Variants in CTNNA3 observed in about 807,000 individuals in gnomAD.
CTNNA3 encodes catenin alpha-3.
In CTNNA3, 76 loss-of-function variants were observed where a neutral mutation model predicts 95.7. The observed-to-expected ratio is 0.79, with a 90% CI of 0.66 to 0.96. The LOEUF is 0.96. Among genes scored for constraint, CTNNA3 ranks in the 40% least tolerant of loss-of-function variants. The probability of loss-of-function intolerance (pLI) is 0.00; values close to 1 mark genes in which losing one functional copy is unlikely to be tolerated. For missense variants in CTNNA3, 1,191 were observed against 1,089.8 expected (o/e 1.09, Z -1.31); for synonymous variants, 431 against 374.4 (o/e 1.15, Z -1.74).
chr10:67,042,924 C>T (rs139174381), intron 7 of CTNNA3, among the ~76,000 whole-genome samples: 173 of 152,060 alleles, frequency 1.1e-3, no homozygotes, highest in Middle Eastern at 6.8e-3. Context: ...TGAATATATT[C>T]GAACGCTATA....
At chr10:65,988,833 C>A in intron 15 of CTNNA3, 36 bp from the exon 16 acceptor site, 1 of 1,471,484 alleles carries the variant, frequency 6.8e-7, no homozygotes, top group Non-Finnish European at 9.5e-7. Context: ...CTGTGGTGTT[C>A]ATGAGAAAAT....
chr10:66,137,484 C>T (rs1218435575), intron 13 of CTNNA3, among the ~76,000 whole-genome samples: 2 of 152,008 alleles, frequency 1.3e-5, no homozygotes, highest in Non-Finnish European at 2.9e-5. Context: ...CATACAATGG[C>T]AGGGGGCAGG....
intron 6 of CTNNA3, among the ~76,000 whole-genome samples, chr10:67,189,314 G>A (rs886705692): frequency 6.6e-6 from 1 of 152,012 alleles, no homozygotes; most frequent in Non-Finnish European, 1.5e-5. Flanking sequence ...GTTACCAGGG[G>A]CTAGGGGGCA....
At chr10:66,138,989 C>T (rs568566066) in intron 13 of CTNNA3, among the ~76,000 whole-genome samples, 2 of 152,282 alleles carry the variant, frequency 1.3e-5, no homozygotes, top group East Asian at 3.9e-4. Context: ...CAAATTTCTG[C>T]ACTATATGAC....
chr10:65,943,798 T>C (rs563337789), intron 17 of CTNNA3, among the ~76,000 whole-genome samples: 1 of 152,324 alleles, frequency 6.6e-6, no homozygotes, highest in East Asian at 1.9e-4. Context: ...ATTATTAACC[T>C]TTCATGAGAC....
intron 15 of CTNNA3, among the ~76,000 whole-genome samples, chr10:66,010,521 C>T (rs3858136): frequency 0.54 from 81,673 of 151,890 alleles, 22,018 homozygotes; most frequent in Admixed American, 0.58. Context: ...AGCTTATTTT[C>T]AAACATAGCT....
chr10:66,163,198 T>A (rs1442712969), intron 13 of CTNNA3, among the ~76,000 whole-genome samples: 3 of 152,242 alleles, frequency 2.0e-5, no homozygotes, highest in South Asian at 2.1e-4. Flanking sequence ...ACACAGGATT[T>A]GCACCCTCTC....
intron 3 of CTNNA3, among the ~76,000 whole-genome samples, chr10:67,586,568 C>A (rs1260841900): frequency 6.6e-6 from 1 of 151,904 alleles, no homozygotes; most frequent in Non-Finnish European, 1.5e-5. Context: ...ATGATCTTGT[C>A]TTTTTTATGG....
At chr10:66,690,231 T>C (rs1401762446) in intron 9 of CTNNA3, among the ~76,000 whole-genome samples, 1 of 152,158 alleles carries the variant, frequency 6.6e-6, no homozygotes, top group Non-Finnish European at 1.5e-5. Context: ...GGGAAGGACT[T>C]GGGTGCAGAC....
chr10:66,906,151 C>T (rs1403479756), intron 7 of CTNNA3, among the ~76,000 whole-genome samples: 1 of 152,144 alleles, frequency 6.6e-6, no homozygotes, highest in Non-Finnish European at 1.5e-5. Flanking sequence ...TGACAGGGAA[C>T]TTGATAATGG....
chr10:66,568,478 T>C (rs1282404468), intron 10 of CTNNA3, among the ~76,000 whole-genome samples: 1 of 152,024 alleles, frequency 6.6e-6, no homozygotes, highest in Non-Finnish European at 1.5e-5. Context: ...CTAGGGTGTC[T>C]TTATTTCACT....
At chr10:66,367,880 A>AATTATT (rs200238646) in intron 12 of CTNNA3, among the ~76,000 whole-genome samples, 16 of 47,170 alleles carry the variant, frequency 3.4e-4, no homozygotes, top group African/African-American at 1.5e-3. Flanking sequence ...TAATAATAAT[A>AATTATT]ATTATTATTA....
At chr10:66,170,353 C>T (rs937344660) in intron 13 of CTNNA3, among the ~76,000 whole-genome samples, 8 of 146,524 alleles carry the variant, frequency 5.5e-5, no homozygotes, top group African/African-American at 2.0e-4. Flanking sequence ...AACTTTATTT[C>T]CACAAATTCA....
At chr10:66,516,063 G>GAA (rs147730943) in intron 11 of CTNNA3, among the ~76,000 whole-genome samples, 3,470 of 123,872 alleles carry the variant, frequency 0.028, 162 homozygotes, top group African/African-American at 0.063. Flanking sequence ...TTAATTATCT[G>GAA]GAAAAAAAAA....
intron 2 of CTNNA3, among the ~76,000 whole-genome samples, chr10:67,613,780 G>A (rs1193075965): frequency 6.6e-6 from 1 of 151,570 alleles, no homozygotes; most frequent in African/African-American, 2.4e-5. Context: ...AGACTGGGTG[G>A]CTTAAGCCAC....
chr10:66,799,882 C>T (rs914863764), intron 7 of CTNNA3, among the ~76,000 whole-genome samples: 2 of 151,134 alleles, frequency 1.3e-5, no homozygotes, highest in Admixed American at 1.3e-4. Flanking sequence ...AAGACAATTA[C>T]CTTTATGGAA....
intron 7 of CTNNA3, among the ~76,000 whole-genome samples, chr10:66,887,056 T>C (rs1472979256): frequency 6.6e-6 from 1 of 152,140 alleles, no homozygotes; most frequent in East Asian, 1.9e-4. Context: ...CTAAGAACTG[T>C]GCTGTATCTT....
chr10:67,439,461 G>A (rs571420624), intron 5 of CTNNA3, among the ~76,000 whole-genome samples: 1 of 152,182 alleles, frequency 6.6e-6, no homozygotes, highest in African/African-American at 2.4e-5. Context: ...GCAAGAGCAA[G>A]AGAGAGAGGG....
At chr10:67,571,869 A>T (rs1194080705) in intron 3 of CTNNA3, among the ~76,000 whole-genome samples, 2 of 152,226 alleles carry the variant, frequency 1.3e-5, no homozygotes, top group African/African-American at 4.8e-5. Context: ...TGTAACTTAA[A>T]TTTTAAAAAC....
Sources: allele counts gnomAD v4.1 joint callset (sites outside exome capture counted in the v4.1 genomes callset), GRCh38; gene constraint gnomAD v4.1.1; transcripts MANE v1.5; gene names NCBI Gene and HGNC (gene_info 2026-07-23, HGNC 2026-07-21).